Variants in SP140L observed in about 807,000 individuals in gnomAD.
SP140L encodes the protein SP140 like nuclear body protein.
A neutral mutation model predicts 84.3 loss-of-function variants in SP140L; 64 were observed. The observed-to-expected ratio is 0.76, with a 90% CI of 0.62 to 0.94. SP140L has a LOEUF of 0.94. Among genes scored for constraint, SP140L ranks in the 40% least tolerant of loss-of-function variants. The pLI, the probability that SP140L is intolerant of heterozygous loss-of-function variation, is 0.00. For synonymous variants in SP140L, 242 were observed against 236.9 expected, an observed-to-expected ratio of 1.02 and a Z score of -0.20; for missense variants, 628 against 692.5, an observed-to-expected ratio of 0.91 and a Z score of 1.05.
At chr2:230,352,699 A>G (rs1311556042) in intron 2 of SP140L, among the ~76,000 whole-genome samples, 3 of 152,144 alleles carry the variant, frequency 2.0e-5, no homozygotes, top group African/African-American at 7.2e-5. Flanking sequence ...TTCTATGTAT[A>G]TAATTATACA....
intron 2 of SP140L, among the ~76,000 whole-genome samples, chr2:230,350,718 G>A (rs369600258): frequency 6.6e-6 from 1 of 152,076 alleles, no homozygotes; most frequent in Admixed American, 6.5e-5. Flanking sequence ...AAAAAAGAGA[G>A]GCAGATGAGG....
chr2:230,349,608 C>A (rs1433421913), intron 2 of SP140L, among the ~76,000 whole-genome samples: 1 of 152,114 alleles, frequency 6.6e-6, no homozygotes, highest in Non-Finnish European at 1.5e-5. Context: ...TATTATTTTG[C>A]CTACCTTTAA....
intron 14 of SP140L, among the ~76,000 whole-genome samples, chr2:230,399,659 T>G (rs566254930): frequency 6.6e-6 from 1 of 152,324 alleles, no homozygotes; most frequent in South Asian, 2.1e-4. Flanking sequence ...AGGCCCTGTC[T>G]TCAACTCATG....
At chr2:230,363,540 A>T (rs2060785119) in intron 5 of SP140L, among the ~76,000 whole-genome samples, 1 of 146,668 alleles carries the variant, frequency 6.8e-6, no homozygotes, top group Non-Finnish European at 1.5e-5. Flanking sequence ...TTTAGTATGG[A>T]GTTGGTTGAG....
chr2:230,363,728 A>AAC (rs1553619755), intron 5 of SP140L, among the ~76,000 whole-genome samples: 2 of 151,838 alleles, frequency 1.3e-5, no homozygotes, highest in African/African-American at 4.8e-5. Context: ...TTGGTGTCAT[A>AAC]CCAAAAACAT....
intron 2 of SP140L, among the ~76,000 whole-genome samples, chr2:230,348,038 G>T (rs1167742640): frequency 6.6e-6 from 1 of 152,154 alleles, no homozygotes; most frequent in Admixed American, 6.5e-5. Flanking sequence ...ACAGAAGTGG[G>T]CCTCCTAAGA....
intron 10 of SP140L, chr2:230,388,843 C>T (rs977880215): frequency 2.3e-6 from 1 of 427,122 alleles, no homozygotes. Context: ...GACCCTGGGG[C>T]CCCAGGGGGT....
intron 5 of SP140L, 94 bp from the exon 6 acceptor site, chr2:230,370,814 G>A: frequency 8.1e-7 from 1 of 1,230,444 alleles, no homozygotes; most frequent in Non-Finnish European, 1.2e-6. Context: ...GGTTATTGGG[G>A]CAAATTAAAA....
At chr2:230,387,051 G>A (rs886793577) in intron 9 of SP140L, among the ~76,000 whole-genome samples, 9 of 152,214 alleles carry the variant, frequency 5.9e-5, no homozygotes, top group African/African-American at 2.2e-4. Context: ...GGCATCTTGC[G>A]TGGGAGAGGA....
At chr2:230,398,009 C>A (rs1304828216) in intron 14 of SP140L, among the ~76,000 whole-genome samples, 1 of 152,168 alleles carries the variant, frequency 6.6e-6, no homozygotes, top group Non-Finnish European at 1.5e-5. Flanking sequence ...TTTATAATAT[C>A]CCCATGCTTC....
At position 230,389,965 on chromosome 2, in the gene SP140L, A is replaced by G. The variant is rs1390954694; in HGVS notation, c.906A>G (p.Leu302=). The stretch of plus-strand genomic sequence containing the variant: ...AAACTGTGGATTTTCAGGCTCCTTT[A>G]CTTCCAGTGACCTGTGGTGGGGTGA... ...KDETVDFQAP[L]LPVTCGGVKG... The change falls in exon 11 of 19, where the codon TTA becomes TTG. Residue 302 remains leucine (L), a synonymous_variant. Transcript: ENST00000415673. 1.2e-6 allele frequency: 2 copies of G among 1,613,900 alleles called. No individual in the cohort carries two copies. The highest frequency in any genetic ancestry group is 2.2e-5 in the East Asian group (1 of 44,886).
chr2:230,327,632 A>G (rs2059615944), intron 1 of SP140L, among the ~76,000 whole-genome samples: 1 of 152,188 alleles, frequency 6.6e-6, no homozygotes, highest in African/African-American at 2.4e-5. Context: ...AATGAGGAAC[A>G]CAAATTATAT....
At chr2:230,376,996 T>C (rs1460772720) in intron 7 of SP140L, among the ~76,000 whole-genome samples, 1 of 152,242 alleles carries the variant, frequency 6.6e-6, no homozygotes, top group Non-Finnish European at 1.5e-5. Flanking sequence ...ATTTTTCTTA[T>C]CTGCTTTATA....
At chr2:230,366,857 T>A (rs10194049) in intron 5 of SP140L, among the ~76,000 whole-genome samples, 2,587 of 151,868 alleles carry the variant, frequency 0.017, 76 homozygotes, top group African/African-American at 0.058. Flanking sequence ...CTCAGCCTCC[T>A]GAGTAGCTGG....
At chr2:230,385,990 A>G (rs1048971583) in intron 9 of SP140L, among the ~76,000 whole-genome samples, 2 of 152,168 alleles carry the variant, frequency 1.3e-5, no homozygotes, top group Admixed American at 6.5e-5. Flanking sequence ...CAGCCGTGAA[A>G]TGACATTGCA....
chr2:230,398,391 A>C (rs1196376285), intron 14 of SP140L, among the ~76,000 whole-genome samples: 4 of 152,198 alleles, frequency 2.6e-5, no homozygotes, highest in African/African-American at 7.2e-5. Context: ...GAAAAGATAT[A>C]AGTTTGGAGA....
At chr2:230,350,378 C>A (rs1172112768) in intron 2 of SP140L, among the ~76,000 whole-genome samples, 1 of 152,172 alleles carries the variant, frequency 6.6e-6, no homozygotes, top group Non-Finnish European at 1.5e-5. Context: ...TATGATAATG[C>A]ACTCAACCAT....
chr2:230,374,332 A>T (rs2061178148), intron 7 of SP140L, among the ~76,000 whole-genome samples: 1 of 148,652 alleles, frequency 6.7e-6, no homozygotes, highest in Admixed American at 6.7e-5. Context: ...AAAAAAAAAG[A>T]TGTGGAGCCT....
At position 230,400,641 on chromosome 2, in the gene SP140L, A is replaced by G. The variant is rs990184464; in HGVS notation, c.1314-314A>G. The G allele has an allele frequency of 1.5e-5, 8 of 549,038 alleles. No homozygotes were observed. In the African/African-American group the frequency reaches 1.5e-4, roughly 10 times the overall value. The allele number at this position is 549,038 out of a possible 1,614,324, so 34.0% of individuals were successfully genotyped here. ...TGGAGGCCTGACGTCCCTGGAGTTG[A>G]AAGCCCAGTTTCTGACACACAGGCC... is the stretch of plus-strand genomic sequence containing the variant. On this transcript the variant is annotated intron_variant, in intron 15 of 18. Coordinates refer to ENST00000415673, the MANE Select transcript of SP140L (RefSeq NM_138402.6).
Sources: gnomAD v4.1 joint callset for allele counts (sites outside exome capture counted in the v4.1 genomes callset) on GRCh38, gnomAD v4.1.1 for gene constraint, MANE v1.5 for transcripts, NCBI Gene and HGNC (gene_info 2026-07-23, HGNC 2026-07-21) for gene names.